The following SLCO5A1 variants were observed in gnomAD, a reference collection of about 807,000 sequenced individuals.
The protein encoded by SLCO5A1 is organic anion transporter polypeptide-related protein 4.
A neutral mutation model predicts 65.1 loss-of-function variants in SLCO5A1; 39 were observed. The observed-to-expected ratio is 0.60, with a 90% CI of 0.46 to 0.78. The LOEUF is 0.78. SLCO5A1 is among the 30% of genes least tolerant of loss of function. The probability of loss-of-function intolerance (pLI) is 0.00; values close to 1 mark genes in which losing one functional copy is unlikely to be tolerated. For synonymous variants in SLCO5A1, 438 were observed against 415.7 expected (o/e 1.05, Z -0.65); for missense variants, 1,029 against 1,069.4 (o/e 0.96, Z 0.53).
At chr8:69,792,532 T>C (rs1819315649) in intron 2 of SLCO5A1, among the ~76,000 whole-genome samples, 1 of 152,010 alleles carries the variant, frequency 6.6e-6, no homozygotes, top group Non-Finnish European at 1.5e-5. Context: ...TGATATAAGG[T>C]GGTATTTTAA....
chr8:69,825,201 C>T (rs1009327178), intron 2 of SLCO5A1, among the ~76,000 whole-genome samples: 15 of 152,136 alleles, frequency 9.9e-5, no homozygotes, highest in Admixed American at 2.6e-4. Context: ...GGAAGCATTC[C>T]CTTTGAAAAC....
intron 4 of SLCO5A1, among the ~76,000 whole-genome samples, chr8:69,746,421 C>T (rs1817031159): frequency 6.6e-6 from 1 of 151,916 alleles, no homozygotes; most frequent in Non-Finnish European, 1.5e-5. Context: ...CTTAAAGGGA[C>T]TAAAGTCAAA....
At chr8:69,772,643 GGAAA>G (rs1818379876) in intron 2 of SLCO5A1, among the ~76,000 whole-genome samples, 1 of 148,386 alleles carries the variant, frequency 6.7e-6, no homozygotes, top group South Asian at 2.1e-4. Context: ...GGAAAGGAAA[GGAAA>G]GGAAAGGAAA....
intron 2 of SLCO5A1, among the ~76,000 whole-genome samples, chr8:69,776,202 A>G (rs1044120332): frequency 6.6e-6 from 1 of 152,188 alleles, no homozygotes; most frequent in Non-Finnish European, 1.5e-5. Flanking sequence ...TCATGGTAAC[A>G]TTTATCACTA....
At chr8:69,709,845 T>C (rs147763162) in intron 5 of SLCO5A1, among the ~76,000 whole-genome samples, 2,346 of 152,086 alleles carry the variant, frequency 0.015, 28 homozygotes, top group Middle Eastern at 0.027. Context: ...GTCCAGACAA[T>C]ATTGGACACC....
At position 69,778,618 on chromosome 8, in the gene SLCO5A1, A is replaced by C. The variant is rs576100473; in HGVS notation, c.908-16743T>G. On this transcript the variant is annotated intron_variant, in intron 2 of 9. Transcript: ENST00000260126. ...TGAATACATATTAAAATAAGCAAAA[A>C]AATTAAACATATCTTTGGGAATTAG... is the stretch of plus-strand genomic sequence containing the variant. Among the ~76,000 whole-genome samples the C allele has an allele frequency of 3.9e-5, 6 of 152,322 alleles. No homozygotes were observed. In the East Asian group the frequency reaches 1.2e-3, roughly 29 times the overall value.
chr8:69,753,700 T>C (rs1817423909), intron 4 of SLCO5A1, among the ~76,000 whole-genome samples: 2 of 152,116 alleles, frequency 1.3e-5, no homozygotes, highest in Admixed American at 6.6e-5. Context: ...GTCTACTTTA[T>C]AGTCTCCATA....
chr8:69,802,969 A>G (rs968461837), intron 2 of SLCO5A1, among the ~76,000 whole-genome samples: 1 of 152,128 alleles, frequency 6.6e-6, no homozygotes, highest in African/African-American at 2.4e-5. Context: ...ATGAGTAAAT[A>G]TTTGTTGAAT....
intron 2 of SLCO5A1, among the ~76,000 whole-genome samples, chr8:69,777,407 G>A (rs888248365): frequency 3.3e-5 from 5 of 151,314 alleles, no homozygotes; most frequent in South Asian, 2.1e-4. Flanking sequence ...GAGGTCAGGC[G>A]GAAGGAGGGA....
At chr8:69,763,642 A>G (rs1442220950) in intron 2 of SLCO5A1, among the ~76,000 whole-genome samples, 2 of 148,082 alleles carry the variant, frequency 1.4e-5, no homozygotes, top group African/African-American at 5.0e-5. Flanking sequence ...AAAAAAAAAA[A>G]AAAAAAAAAG....
intron 2 of SLCO5A1, among the ~76,000 whole-genome samples, chr8:69,800,093 G>A (rs1427563693): frequency 6.6e-6 from 1 of 151,660 alleles, no homozygotes; most frequent in African/African-American, 2.4e-5. Flanking sequence ...TTGAAATTTT[G>A]GTCACCTATT....
intron 2 of SLCO5A1, 27 bp from the exon 3 acceptor site, chr8:69,761,902 A>G: frequency 6.2e-7 from 1 of 1,608,352 alleles, no homozygotes; most frequent in Non-Finnish European, 8.5e-7. Context: ...GGAAATGTGA[A>G]ATACAGCGAC....
chr8:69,761,982 TA>T, intron 2 of SLCO5A1, 107 bp from the exon 3 acceptor site: 1 of 1,390,434 alleles, frequency 7.2e-7, no homozygotes, highest in South Asian at 1.4e-5. Flanking sequence ...TCAATCCAGT[TA>T]ACTTCCAAAA....
At chr8:69,757,768 C>T (rs1586764389) in intron 3 of SLCO5A1, among the ~76,000 whole-genome samples, 1 of 40,676 alleles carries the variant, frequency 2.5e-5, no homozygotes, top group Non-Finnish European at 4.3e-5. Context: ...TGGCTGCTTA[C>T]GAGGTCCTTA....
intron 2 of SLCO5A1, among the ~76,000 whole-genome samples, chr8:69,769,531 G>A (rs1818222774): frequency 6.6e-6 from 1 of 152,036 alleles, no homozygotes; most frequent in African/African-American, 2.4e-5. Context: ...AAACATAGAA[G>A]AAATATTAAG....
chr8:69,813,619 T>A (rs577465101), intron 2 of SLCO5A1, among the ~76,000 whole-genome samples: 1 of 152,084 alleles, frequency 6.6e-6, no homozygotes, highest in South Asian at 2.1e-4. Context: ...TCCTACGACA[T>A]CTCTCAAGCC....
chr8:69,712,124 AG>A (rs1815298151), intron 5 of SLCO5A1, among the ~76,000 whole-genome samples: 1 of 152,252 alleles, frequency 6.6e-6, no homozygotes, highest in Admixed American at 6.5e-5. Context: ...CTGAATCTAA[AG>A]AACTCACTGC....
At chr8:69,690,018 G>A (rs965691555) in intron 6 of SLCO5A1, among the ~76,000 whole-genome samples, 1 of 151,360 alleles carries the variant, frequency 6.6e-6, no homozygotes, top group African/African-American at 2.4e-5. Context: ...ATTTCAGCAA[G>A]GCCGGTGGAC....
At chr8:69,741,895 G>A (rs1816801040) in intron 4 of SLCO5A1, among the ~76,000 whole-genome samples, 2 of 152,282 alleles carry the variant, frequency 1.3e-5, no homozygotes, top group South Asian at 2.1e-4. Flanking sequence ...GAGACTAAAG[G>A]GCACAAAAAC....
Sources: gnomAD v4.1 joint callset for allele counts (sites outside exome capture counted in the v4.1 genomes callset) on GRCh38, gnomAD v4.1.1 for gene constraint, MANE v1.5 for transcripts, NCBI Gene and HGNC (gene_info 2026-07-23, HGNC 2026-07-21) for gene names.